IL7: variants seen among roughly 807,000 people sequenced by gnomAD.
IL7 encodes interleukin 7.
In IL7, 3 loss-of-function variants were observed where a neutral mutation model predicts 21.6. The ratio of observed to expected loss-of-function variants is 0.14; its 90% CI spans 0.06 to 0.36. IL7 has a LOEUF of 0.36. IL7 is among the 10% of genes least tolerant of loss of function. The pLI is 1.00. For synonymous variants in IL7, 62 were observed against 68.1 expected, an observed-to-expected ratio of 0.91 and a Z score of 0.44; for missense variants, 175 against 200.2, an observed-to-expected ratio of 0.87 and a Z score of 0.76.
chr8:78,687,899 A>G (rs1810071765), intron 3 of IL7, among the ~76,000 whole-genome samples: 1 of 58,264 alleles, frequency 1.7e-5, no homozygotes, highest in African/African-American at 4.2e-5. Context: ...AATAAATTAT[A>G]TATATTTATA....
chr8:78,706,006 C>T (rs1436157082), intron 3 of IL7, among the ~76,000 whole-genome samples: 1 of 152,120 alleles, frequency 6.6e-6, no homozygotes, highest in Non-Finnish European at 1.5e-5. Flanking sequence ...GGATTGGGAA[C>T]CTGCTTAACC....
chr8:78,766,373 ACTGTGATAG>A, intron 2 of IL7, among the ~76,000 whole-genome samples: 1 of 152,240 alleles, frequency 6.6e-6, no homozygotes, highest in South Asian at 2.1e-4. Flanking sequence ...TAAATGTACC[ACTGTGATAG>A]CAACTGTTGA....
In IL7 at chr8:78,798,182, G is replaced by A. The variant is rs1586117088; in HGVS notation, c.37C>T (p.Pro13Ser). The A allele has an allele frequency of 5.6e-6, 9 of 1,610,916 alleles. No individual in the cohort carries two copies. In the East Asian group the frequency reaches 2.0e-4, roughly 36 times the overall value. The change falls in exon 2 of 6, where the codon CCT (proline) becomes TCT (serine). Residue 13 changes from proline to serine, a missense_variant. By Grantham distance (74) the Pro-to-Ser change is moderately conservative (BLOSUM62 -1). Coordinates refer to ENST00000263851, the MANE Select transcript of IL7 (RefSeq NM_000880.4). ...HVSFRYIFGL[P>S]PLILVLLPVA... ...GGCAACAGAACAAGGATCAGGGGAGGAAGTCCAAAGATATACCTAAAAGAA... is the reference window on the plus strand; with the variant it reads ...GGCAACAGAACAAGGATCAGGGGAGAAAGTCCAAAGATATACCTAAAAGAA...
chr8:78,750,941 C>G (rs868819364), intron 2 of IL7, among the ~76,000 whole-genome samples: 1 of 151,788 alleles, frequency 6.6e-6, no homozygotes, highest in Non-Finnish European at 1.5e-5. Context: ...GATTAAAATT[C>G]TAGGAAATAA....
At chr8:78,712,159 G>A (rs1810972175) in intron 3 of IL7, 1 of 1,061,118 alleles carries the variant, frequency 9.4e-7, no homozygotes, top group Non-Finnish European at 1.3e-6. Flanking sequence ...TTCCTTAAAA[G>A]CTTTATATAA....
chr8:78,719,006 T>TA (rs34380967), intron 6 of IL7: 1 of 151,832 alleles, frequency 6.6e-6, no homozygotes, highest in Admixed American at 6.6e-5. Flanking sequence ...TCATTTTACT[T>TA]ACAGTTTATT....
At chr8:78,751,909 C>T (rs974856505) in intron 2 of IL7, among the ~76,000 whole-genome samples, 4 of 152,146 alleles carry the variant, frequency 2.6e-5, no homozygotes, top group Admixed American at 2.0e-4. Flanking sequence ...CCAACTTCTC[C>T]CTATCGTCCC....
chr8:78,749,717 G>A (rs1193480424), intron 2 of IL7, among the ~76,000 whole-genome samples: 1 of 152,132 alleles, frequency 6.6e-6, no homozygotes, highest in East Asian at 1.9e-4. Context: ...CTAACTACTA[G>A]GTCCTCACAG....
At chr8:78,727,570 T>C (rs190128484) in intron 3 of IL7, among the ~76,000 whole-genome samples, 1 of 152,160 alleles carries the variant, frequency 6.6e-6, no homozygotes, top group Admixed American at 6.6e-5. Flanking sequence ...TAGAAATGTA[T>C]CATAACTCTT....
At chr8:78,695,950 T>C (rs1051589692) in intron 3 of IL7, among the ~76,000 whole-genome samples, 4 of 152,202 alleles carry the variant, frequency 2.6e-5, no homozygotes, top group African/African-American at 9.6e-5. Context: ...CTAGCTATTT[T>C]TGGTAGTAGT....
chr8:78,687,726 T>A (rs1563626879), intron 3 of IL7, among the ~76,000 whole-genome samples: 33 of 68,848 alleles, frequency 4.8e-4, no homozygotes, highest in Non-Finnish European at 6.0e-4. Context: ...ACGTAATACA[T>A]TATATATATT....
chr8:78,773,281 A>G (rs973912191), intron 2 of IL7, among the ~76,000 whole-genome samples: 1 of 152,108 alleles, frequency 6.6e-6, no homozygotes, highest in Non-Finnish European at 1.5e-5. Context: ...AAACCAAAGT[A>G]CCCAGAGAAA....
intron 5 of IL7, among the ~76,000 whole-genome samples, chr8:78,734,478 T>C (rs1387725037): frequency 1.3e-5 from 2 of 152,220 alleles, no homozygotes; most frequent in African/African-American, 2.4e-5. Context: ...ATGGGAATAG[T>C]GCAGGGTAGA....
intron 2 of IL7, among the ~76,000 whole-genome samples, chr8:78,775,487 T>C (rs1813102481): frequency 6.6e-6 from 1 of 152,114 alleles, no homozygotes; most frequent in Non-Finnish European, 1.5e-5. Flanking sequence ...ACTGTGTGCA[T>C]TTCTGACATT....
chr8:78,703,120 C>T (rs1483713917), intron 3 of IL7, among the ~76,000 whole-genome samples: 2 of 152,120 alleles, frequency 1.3e-5, no homozygotes, highest in African/African-American at 2.4e-5. Flanking sequence ...CAGTCTCAAA[C>T]CCCTAACCTC....
At chr8:78,749,538 A>G (rs1231701310) in intron 2 of IL7, among the ~76,000 whole-genome samples, 1 of 152,216 alleles carries the variant, frequency 6.6e-6, no homozygotes, top group Admixed American at 6.5e-5. Context: ...GCAGAGATCC[A>G]TGAGCAGAAA....
chr8:78,717,669 T>C, downstream of IL7: 1 of 474,716 alleles, frequency 2.1e-6, no homozygotes, highest in Non-Finnish European at 3.5e-6. Context: ...TATGTGTACA[T>C]ATACTGTATA....
chr8:78,742,206 C>T (rs1310405870), intron 2 of IL7, among the ~76,000 whole-genome samples: 1 of 151,622 alleles, frequency 6.6e-6, no homozygotes, highest in African/African-American at 2.4e-5. Context: ...TGCCTGTAAT[C>T]TCAGCTGCTT....
At chr8:78,774,973 A>C (rs1375305347) in intron 2 of IL7, among the ~76,000 whole-genome samples, 1 of 152,140 alleles carries the variant, frequency 6.6e-6, no homozygotes, top group Non-Finnish European at 1.5e-5. Flanking sequence ...TACAGAACAA[A>C]AGAATGTCTC....
Sources: gnomAD v4.1 joint callset for allele counts (sites outside exome capture counted in the v4.1 genomes callset) on GRCh38, gnomAD v4.1.1 for gene constraint, MANE v1.5 for transcripts, NCBI Gene and HGNC (gene_info 2026-07-23, HGNC 2026-07-21) for gene names.